The following PPP2R3C variants were observed in gnomAD, a reference collection of about 807,000 sequenced individuals.
PPP2R3C encodes the protein protein phosphatase 2 regulatory subunit B''gamma.
A neutral mutation model predicts 63.7 loss-of-function variants in PPP2R3C; 47 were observed. The observed-to-expected ratio is 0.74, with a 90% CI of 0.58 to 0.94. PPP2R3C has a LOEUF of 0.94. Ranked by LOEUF, PPP2R3C falls within the 40% of genes least tolerant of loss-of-function variation. The probability of loss-of-function intolerance (pLI) is 0.00; values close to 1 mark genes in which losing one functional copy is unlikely to be tolerated. For synonymous variants in PPP2R3C, 180 were observed against 177.4 expected (o/e 1.01, Z -0.12); for missense variants, 421 against 518.4 (o/e 0.81, Z 1.82).
intron 11 of PPP2R3C, among the ~76,000 whole-genome samples, chr14:35,090,485 G>A (rs887125499): frequency 4.0e-5 from 6 of 151,756 alleles, no homozygotes; most frequent in Non-Finnish European, 8.8e-5. Context: ...CAGCCTGGGC[G>A]ACAGAGCCAG....
At chr14:35,115,916 C>T (rs2046696957) in intron 2 of PPP2R3C, among the ~76,000 whole-genome samples, 1 of 152,154 alleles carries the variant, frequency 6.6e-6, no homozygotes, top group African/African-American at 2.4e-5. Flanking sequence ...AGCCACCATG[C>T]CTGGCCTCAA....
Position 35,121,931 on chromosome 14 carries a change from C to T in PPP2R3C, c.29G>A (p.Arg10His). 1 of 1,614,168 alleles carries T rather than the reference C, an allele frequency of 6.2e-7. No individual in the cohort carries two copies. Among genetic ancestry groups the T allele is most frequent in the Non-Finnish European group, 8.5e-7 (1 of 1,180,026 alleles). Residue 10 changes from arginine (R) to histidine (H), a missense_variant, in exon 1 of 13, where the codon CGC (arginine) becomes CAC (histidine). Around this residue, in one of 3 missense-constraint regions of PPP2R3C, gnomAD observed 143 missense variants for 151.2 expected, o/e 0.95. Coordinates refer to ENST00000261475, the MANE Select transcript of PPP2R3C (RefSeq NM_017917.4). ...TGGACAGGTGTTGGGCGTCGCTAGG[C>T]GCCGACGAAGAACTTCTTTCCAGTC... is the stretch of plus-strand genomic sequence containing the variant. MDWKEVLRR[R>H]LATPNTCPNK...
At position 35,107,366 on chromosome 14, in the gene PPP2R3C, G is replaced by T; in HGVS notation, c.511C>A (p.His171Asn). 6.2e-7 allele frequency: 1 copy of T among 1,605,134 alleles called. No individual in the cohort carries two copies. Among genetic ancestry groups the T allele is most frequent in the Non-Finnish European group, 8.5e-7 (1 of 1,171,970 alleles). The change falls in exon 6 of 13, where the codon CAT becomes AAT. Residue 171 changes from histidine (H) to asparagine (N), a missense_variant. By Grantham distance (68) the His-to-Asn change is moderately conservative. Transcript: ENST00000261475. ...FNYVMRKVWL[H>N]QTRIGLSLYD... ...AAACTGAGTCCTATTCTTGTTTGAT[G>T]AAGCCAAACTGACAATAAACAAGAA...
chr14:35,095,935 G>A (rs963954717), intron 9 of PPP2R3C, among the ~76,000 whole-genome samples: 1 of 151,360 alleles, frequency 6.6e-6, no homozygotes, highest in African/African-American at 2.4e-5. Context: ...AGTAGACCCT[G>A]GGAATAGCAT....
At chr14:35,102,124 T>G (rs1008194743) in intron 6 of PPP2R3C, 5 of 151,536 alleles carry the variant, frequency 3.3e-5, no homozygotes, top group African/African-American at 1.2e-4. Context: ...CCTCTTGGGT[T>G]CAAGCGATTC....
intron 7 of PPP2R3C, chr14:35,098,524 T>A (rs1041014595): frequency 6.6e-6 from 1 of 151,992 alleles, no homozygotes; most frequent in African/African-American, 2.4e-5. Flanking sequence ...TTTTTGTATT[T>A]TTTTTGTAGA....
rs2045561627 is a variant in PPP2R3C at position 35,085,513 on chromosome 14, C to G, written c.*77G>C. The G allele has an allele frequency of 7.7e-7, 1 of 1,305,142 alleles. No homozygotes were observed. The highest frequency in any genetic ancestry group is 1.0e-6 in the Non-Finnish European group (1 of 963,264). 80.8% of individuals were successfully genotyped at this position (1,305,142 alleles called of 1,614,324 possible). A position where few individuals can be genotyped will look rare whatever the true frequency, so the allele number is the denominator to read the frequency against. ...ATCAAGTGTTTTATTTAGACCATTT[C>G]TGAGGATTTTGCTTTAAAGGCTTTA... On this transcript the variant is annotated 3_prime_UTR_variant, in exon 13 of 13. Coordinates refer to ENST00000261475, the MANE Select transcript of PPP2R3C (RefSeq NM_017917.4).
intron 12 of PPP2R3C, chr14:35,086,132 T>C (rs1406692973): frequency 5.8e-6 from 1 of 172,686 alleles, no homozygotes; most frequent in Non-Finnish European, 1.2e-5. Flanking sequence ...TTAACTAGTT[T>C]CTTATATATT....
chr14:35,090,711 ATT>A (rs35890780), intron 11 of PPP2R3C, among the ~76,000 whole-genome samples: 3 of 110,328 alleles, frequency 2.7e-5, no homozygotes, highest in African/African-American at 3.5e-5. Context: ...GCATCTCACA[ATT>A]TTTTTTTTTT....
At chr14:35,092,970 G>A (rs958695608) in intron 10 of PPP2R3C, among the ~76,000 whole-genome samples, 2 of 152,072 alleles carry the variant, frequency 1.3e-5, no homozygotes, top group African/African-American at 4.8e-5. Flanking sequence ...ACGCACTTCG[G>A]GGGGCCGAGG....
intron 6 of PPP2R3C, chr14:35,100,107 T>C (rs1302053787): frequency 2.6e-5 from 4 of 152,074 alleles, no homozygotes; most frequent in African/African-American, 9.7e-5. Flanking sequence ...CGTAATATAT[T>C]TTACAGTTAT....
intron 6 of PPP2R3C, among the ~76,000 whole-genome samples, chr14:35,103,179 A>G (rs1281899372): frequency 2.0e-5 from 3 of 152,206 alleles, no homozygotes. Context: ...CTCAAAATAA[A>G]TCCAAAGTCC....
chr14:35,120,164 C>G (rs1210939367), intron 1 of PPP2R3C, among the ~76,000 whole-genome samples: 1 of 150,234 alleles, frequency 6.7e-6, no homozygotes, highest in Non-Finnish European at 1.5e-5. Context: ...AACAGTGAAG[C>G]CAGAGTGTAT....
chr14:35,108,292 C>T, intron 4 of PPP2R3C, 56 bp from the exon 5 acceptor site: 1 of 1,507,164 alleles, frequency 6.6e-7, no homozygotes, highest in African/African-American at 1.4e-5. Context: ...AAAATGACTT[C>T]TACATAAATT....
chr14:35,103,598 T>C (rs908155368), intron 6 of PPP2R3C, among the ~76,000 whole-genome samples: 1 of 152,178 alleles, frequency 6.6e-6, no homozygotes, highest in African/African-American at 2.4e-5. Context: ...AAAATTGTAC[T>C]GTGTCCCTGG....
chr14:35,106,687 G>T (rs2046372689), intron 6 of PPP2R3C, among the ~76,000 whole-genome samples: 1 of 104,826 alleles, frequency 9.5e-6, no homozygotes, highest in African/African-American at 3.8e-5. Flanking sequence ...TTTTTTTTGA[G>T]ACGGAGTTTC....
At chr14:35,116,045 A>G (rs1183479309) in intron 2 of PPP2R3C, among the ~76,000 whole-genome samples, 6 of 152,162 alleles carry the variant, frequency 3.9e-5, no homozygotes, top group Admixed American at 2.0e-4. Context: ...TACTACTAAT[A>G]TCTATAATAA....
chr14:35,099,139 T>C, intron 7 of PPP2R3C, 113 bp downstream of exon 7: 2 of 1,316,734 alleles, frequency 1.5e-6, no homozygotes, highest in Non-Finnish European at 2.0e-6. Flanking sequence ...ACCAAATTTT[T>C]AATGGCAGTG....
In PPP2R3C at chr14:35,110,627, C is replaced by T. The variant is rs755597991; in HGVS notation, c.189G>A (p.Leu63=). The T allele has an allele frequency of 3.7e-6, 6 of 1,603,814 alleles. No homozygotes were observed. In the East Asian group the frequency reaches 1.1e-4, roughly 30 times the overall value. Residue 63 remains leucine, a splice_region_variant and synonymous_variant, in exon 3 of 13, where the codon CTG becomes CTA. Transcript: ENST00000261475. ...GTAGTAAGACTTCATCTTCAGCAGGCAGCTGAAAATACAAGGTAAATTTCT... is the reference window on the plus strand; with the variant it reads ...GTAGTAAGACTTCATCTTCAGCAGGTAGCTGAAAATACAAGGTAAATTTCT... ...YKTIPRFYYR[L]PAEDEVLLQK...
Sources: gnomAD v4.1 joint callset for allele counts (sites outside exome capture counted in the v4.1 genomes callset) on GRCh38, gnomAD v4.1.1 for gene constraint, gnomAD v4.1.1 regional missense constraint, MANE v1.5 for transcripts, NCBI Gene and HGNC (gene_info 2026-07-23, HGNC 2026-07-21) for gene names.